CRACDL: variants seen among roughly 807,000 people sequenced by gnomAD.
CRACDL encodes CRACD like, also known as CRACD-like protein.
CRACDL carries 26 observed loss-of-function variants against 70.6 expected under a neutral mutation model. That is an observed-to-expected ratio of 0.37 (90% CI 0.27 to 0.51). CRACDL has a LOEUF of 0.51. CRACDL is among the 20% of genes least tolerant of loss of function. CRACDL has a pLI of 0.94. For missense variants in CRACDL, 1,283 were observed against 1,376.9 expected (o/e 0.93, Z 1.08); for synonymous variants, 618 against 615.2 (o/e 1.00, Z -0.07).
chr2:98,798,860 T>G (rs1703952451), intron 7 of CRACDL, among the ~76,000 whole-genome samples: 1 of 152,030 alleles, frequency 6.6e-6, no homozygotes, highest in Non-Finnish European at 1.5e-5. Context: ...CCCAGTGAAT[T>G]TTTTGTAGAG....
In CRACDL at chr2:98,905,627, A is replaced by AT. The variant is rs34712128; in HGVS notation, c.-11+30310dup. Among the ~76,000 whole-genome samples, 633 of 130,702 alleles carry AT rather than the reference A, an allele frequency of 4.8e-3. 7 individuals are homozygous for AT. Among genetic ancestry groups the AT allele is most frequent in the South Asian group, 0.02 (82 of 4,084 alleles). The allele number at this position is 130,702 out of a possible 152,430, so 85.7% of individuals were successfully genotyped here. A position where few individuals can be genotyped will look rare whatever the true frequency, so the allele number is the denominator to read the frequency against. ...TTTAGTCTAAGACTGGTGTTACCTC[A>AT]TTTTTTTTTTTTTTTTTTTGAGACA... On this transcript the variant is annotated intron_variant, in intron 1 of 9. Transcript: ENST00000397899.
At chr2:98,922,986 T>A (rs1708839521) in intron 1 of CRACDL, among the ~76,000 whole-genome samples, 1 of 152,208 alleles carries the variant, frequency 6.6e-6, no homozygotes, top group African/African-American at 2.4e-5. Context: ...TTTAAATTTA[T>A]AGGCCAGGAG....
intron 1 of CRACDL, chr2:98,869,481 A>T (rs1707267878): frequency 4.0e-6 from 1 of 251,606 alleles, no homozygotes; most frequent in African/African-American, 2.3e-5. Context: ...TGGCATCCCC[A>T]CTGAGTTGCT....
chr2:98,794,264 G>A lies in CRACDL; in HGVS notation c.*268C>T, dbSNP rs908103786. 13 of 315,672 alleles carry A rather than the reference G, an allele frequency of 4.1e-5. 1 individual carries two copies. The highest frequency in any genetic ancestry group is 3.9e-4 in the Admixed American group (8 of 20,606). The allele number at this position is 315,672 out of a possible 1,614,324, so 19.6% of individuals were successfully genotyped here. A position where few individuals can be genotyped will look rare whatever the true frequency, so the allele number is the denominator to read the frequency against. On this transcript the variant is annotated 3_prime_UTR_variant, in exon 10 of 10. Coordinates refer to ENST00000397899, the MANE Select transcript of CRACDL (RefSeq NM_207362.3). ...TGAGGCTTCTTTATCAAGGGAATTC[G>A]AAAAGACACATTCGTACCTTTGGGC... is the stretch of plus-strand genomic sequence containing the variant.
At chr2:98,861,733 C>T (rs1706945105) in intron 1 of CRACDL, among the ~76,000 whole-genome samples, 2 of 152,272 alleles carry the variant, frequency 1.3e-5, no homozygotes, top group Middle Eastern at 3.4e-3. Flanking sequence ...CTGGAGTCAA[C>T]TGAAGGCTTG....
intron 1 of CRACDL, among the ~76,000 whole-genome samples, chr2:98,852,559 A>G (rs1573073474): frequency 6.6e-6 from 1 of 152,242 alleles, no homozygotes; most frequent in Non-Finnish European, 1.5e-5. Flanking sequence ...AAGACTTTAA[A>G]GAAGCTACTT....
chr2:98,915,374 C>T (rs1015566346), intron 1 of CRACDL, among the ~76,000 whole-genome samples: 2 of 152,222 alleles, frequency 1.3e-5, no homozygotes, highest in Non-Finnish European at 2.9e-5. Flanking sequence ...TGGGAGGCAC[C>T]TCCTGGAACC....
intron 7 of CRACDL, among the ~76,000 whole-genome samples, chr2:98,815,038 G>A (rs1424838798): frequency 6.6e-6 from 1 of 151,616 alleles, no homozygotes; most frequent in African/African-American, 2.4e-5. Context: ...TATCTTTATA[G>A]CTTCTATTTT....
intron 1 of CRACDL, among the ~76,000 whole-genome samples, chr2:98,924,573 T>C (rs1708871344): frequency 6.6e-6 from 1 of 152,206 alleles, no homozygotes; most frequent in Non-Finnish European, 1.5e-5. Context: ...CTTTACTCCT[T>C]CAGAAGGTGA....
intron 7 of CRACDL, among the ~76,000 whole-genome samples, chr2:98,802,631 T>A (rs1024145103): frequency 2.6e-5 from 4 of 152,222 alleles, no homozygotes; most frequent in African/African-American, 9.7e-5. Flanking sequence ...TTTTAGTGCC[T>A]ATTAAAATTC....
chr2:98,807,769 C>T (rs985665787), intron 7 of CRACDL, among the ~76,000 whole-genome samples: 1 of 152,180 alleles, frequency 6.6e-6, no homozygotes, highest in Admixed American at 6.5e-5. Flanking sequence ...TTATTATTTA[C>T]CCATTTACTG....
At chr2:98,818,231 G>C (rs1185797549) in intron 7 of CRACDL, among the ~76,000 whole-genome samples, 1 of 152,216 alleles carries the variant, frequency 6.6e-6, no homozygotes, top group Non-Finnish European at 1.5e-5. Flanking sequence ...GCCTCGAGGA[G>C]CACAGACACA....
chr2:98,929,270 C>T (rs915336103), intron 1 of CRACDL, among the ~76,000 whole-genome samples: 5 of 152,184 alleles, frequency 3.3e-5, no homozygotes, highest in African/African-American at 7.2e-5. Flanking sequence ...TTTCCCATGC[C>T]GCCTGCACAG....
intron 5 of CRACDL, among the ~76,000 whole-genome samples, chr2:98,829,454 T>C (rs6755640): frequency 0.34 from 51,035 of 152,040 alleles, 8,883 homozygotes; most frequent in African/African-American, 0.41. Flanking sequence ...GTGTCTGTTG[T>C]TGATCAGTGA....
chr2:98,894,238 G>A (rs1708059285), intron 1 of CRACDL, among the ~76,000 whole-genome samples: 1 of 152,180 alleles, frequency 6.6e-6, no homozygotes, highest in Non-Finnish European at 1.5e-5. Flanking sequence ...GTGGGAAGAG[G>A]GTGAGAACAC....
intron 2 of CRACDL, among the ~76,000 whole-genome samples, chr2:98,839,585 G>C (rs1705932404): frequency 6.6e-6 from 1 of 152,174 alleles, no homozygotes; most frequent in African/African-American, 2.4e-5. Flanking sequence ...AAGTGTAACT[G>C]GCAGAGCTCA....
In CRACDL at chr2:98,822,990, C is replaced by A; in HGVS notation, c.1283G>T (p.Arg428Leu). The A allele has an allele frequency of 6.7e-7, 1 of 1,492,384 alleles. No individual in the cohort carries two copies. Among genetic ancestry groups the A allele is most frequent in the Non-Finnish European group, 8.9e-7 (1 of 1,120,596 alleles). The allele number at this position is 1,492,384 out of a possible 1,614,324, so 92.4% of individuals were successfully genotyped here. Residue 428 changes from arginine (R) to leucine (L), a missense_variant, in exon 7 of 10, where the codon CGC becomes CTC. Around this residue, in one of 2 missense-constraint regions of CRACDL, gnomAD observed 921 missense variants for 881.9 expected, o/e 1.04. Transcript: ENST00000397899. The surrounding 1 kb of genome is among the most constrained non-coding windows in gnomAD (Gnocchi z 4.9). ...PAATSEAPSA[R>L]DGPERSVPKE... is the part of the protein sequence containing the mutation. ...CGGGACACTGCGTTCTGGCCCGTCG[C>A]GAGCAGAGGGCGCCTCTGAGGTGGC...
At chr2:98,897,839 G>C (rs1708167670) in intron 1 of CRACDL, among the ~76,000 whole-genome samples, 1 of 152,330 alleles carries the variant, frequency 6.6e-6, no homozygotes, top group Middle Eastern at 3.4e-3. Flanking sequence ...ACAGAGACAG[G>C]GGGTGCAGCT....
chr2:98,797,855 T>C (rs1703894632), intron 7 of CRACDL, among the ~76,000 whole-genome samples: 1 of 152,180 alleles, frequency 6.6e-6, no homozygotes, highest in African/African-American at 2.4e-5. Context: ...TTCTTTAATA[T>C]AATCCTGTCA....
Sources: allele counts gnomAD v4.1 joint callset (sites outside exome capture counted in the v4.1 genomes callset), GRCh38; gene constraint gnomAD v4.1.1; regional missense constraint gnomAD v4.1.1; non-coding constraint Gnocchi (gnomAD v3.1); transcripts MANE v1.5; gene names NCBI Gene and HGNC (gene_info 2026-07-23, HGNC 2026-07-21).